Variants in PHACTR1 observed in about 807,000 individuals in gnomAD.
PHACTR1 encodes the protein RPEL repeat containing 1.
In PHACTR1, 16 loss-of-function variants were observed where a neutral mutation model predicts 69.2. That is an observed-to-expected ratio of 0.23 (90% CI 0.16 to 0.35). PHACTR1 has a LOEUF of 0.35. PHACTR1 is among the 10% of genes least tolerant of loss of function. PHACTR1 has a pLI of 1.00. For synonymous variants in PHACTR1, 312 were observed against 284.5 expected (o/e 1.10, Z -0.97); for missense variants, 510 against 734.7 (o/e 0.69, Z 3.54).
chr6:12,848,260 G>A (rs552114652), intron 4 of PHACTR1, among the ~76,000 whole-genome samples: 8 of 152,224 alleles, frequency 5.3e-5, no homozygotes, highest in Admixed American at 2.6e-4. Context: ...ATGATCACTC[G>A]CTAATGGAAG....
chr6:13,134,765 G>A (rs1459343672), intron 5 of PHACTR1, among the ~76,000 whole-genome samples: 2 of 120,374 alleles, frequency 1.7e-5, no homozygotes, highest in African/African-American at 6.7e-5. Flanking sequence ...CCCCCTCTCC[G>A]AGAAACACCC....
At chr6:13,022,311 C>T (rs1308641038) in intron 4 of PHACTR1, among the ~76,000 whole-genome samples, 11 of 152,204 alleles carry the variant, frequency 7.2e-5, no homozygotes, top group Non-Finnish European at 1.6e-4. Context: ...GTTTCTTCCA[C>T]CTGTAAAATG....
chr6:13,207,598 G>A (rs1766135782), intron 8 of PHACTR1, among the ~76,000 whole-genome samples: 1 of 152,190 alleles, frequency 6.6e-6, no homozygotes, highest in Admixed American at 6.5e-5. Context: ...GTATGTGTGT[G>A]TGTGTGTGTG....
chr6:13,155,717 G>A (rs1295842649), intron 5 of PHACTR1, among the ~76,000 whole-genome samples: 4 of 151,852 alleles, frequency 2.6e-5, no homozygotes, highest in South Asian at 2.1e-4. Flanking sequence ...GTGAAACCCC[G>A]TCTCTACTAA....
At chr6:13,193,357 G>GTGTATATATATATATATATATA (rs536184609) in intron 7 of PHACTR1, among the ~76,000 whole-genome samples, 16 of 68,198 alleles carry the variant, frequency 2.3e-4, no homozygotes, top group Non-Finnish European at 3.1e-4. Context: ...AGCTCTCTGT[G>GTGTATATATATATATATATATA]TATATATATA....
At chr6:12,813,807 A>G (rs1437100567) in intron 4 of PHACTR1, among the ~76,000 whole-genome samples, 1 of 152,228 alleles carries the variant, frequency 6.6e-6, no homozygotes, top group Non-Finnish European at 1.5e-5. Flanking sequence ...GAAGAAAATT[A>G]TCAGAGCCTT....
chr6:13,038,448 C>T (rs1803661374), intron 4 of PHACTR1, among the ~76,000 whole-genome samples: 1 of 150,882 alleles, frequency 6.6e-6, no homozygotes, highest in East Asian at 1.9e-4. Context: ...GAGGAAGCCT[C>T]CCTGGGGATC....
intron 5 of PHACTR1, among the ~76,000 whole-genome samples, chr6:13,106,796 AT>A (rs1816220770): frequency 6.6e-6 from 1 of 152,002 alleles, no homozygotes; most frequent in African/African-American, 2.4e-5. Flanking sequence ...GGATGAGCAG[AT>A]GATTTTTCTC....
chr6:13,029,650 A>G (rs4715065), intron 4 of PHACTR1, among the ~76,000 whole-genome samples: 112,457 of 152,094 alleles, frequency 0.74, 42,258 homozygotes, highest in East Asian at 0.88. Flanking sequence ...TTGACATTAC[A>G]TATTATTGAA....
At chr6:13,142,423 T>C (rs1822628775) in intron 5 of PHACTR1, among the ~76,000 whole-genome samples, 1 of 152,182 alleles carries the variant, frequency 6.6e-6, no homozygotes, top group African/African-American at 2.4e-5. Context: ...ATAGTTTTAC[T>C]TTGGGTATGT....
At chr6:13,034,113 G>A (rs1802908335) in intron 4 of PHACTR1, among the ~76,000 whole-genome samples, 1 of 151,986 alleles carries the variant, frequency 6.6e-6, no homozygotes, top group Admixed American at 6.5e-5. Context: ...GCCCCCTGGG[G>A]TTCACGCCAT....
chr6:13,103,316 G>A (rs932644996), intron 5 of PHACTR1, among the ~76,000 whole-genome samples: 6 of 152,138 alleles, frequency 3.9e-5, no homozygotes, highest in African/African-American at 1.4e-4. Context: ...TTGGATATAG[G>A]TGGTATCTGA....
chr6:13,106,388 G>A (rs1816138108), intron 5 of PHACTR1, among the ~76,000 whole-genome samples: 1 of 152,180 alleles, frequency 6.6e-6, no homozygotes, highest in African/African-American at 2.4e-5. Context: ...TCCTTGCCCT[G>A]TTGCTGTTCT....
chr6:12,998,132 A>G (rs1358883831), intron 4 of PHACTR1, among the ~76,000 whole-genome samples: 1 of 152,162 alleles, frequency 6.6e-6, no homozygotes, highest in Non-Finnish European at 1.5e-5. Flanking sequence ...CAACTGCGCA[A>G]TATGCAGTAC....
In PHACTR1 at chr6:12,903,204, G is replaced by A. The variant is rs1211135427; in HGVS notation, c.251-150161G>A. ...TCCTTATTTATAAGGTGGGAATGCC[G>A]TCAAGGGTTCCTGAGAGGATCAAAT... On this transcript the variant is annotated intron_variant, in intron 4 of 14. Transcript: ENST00000332995. Among the ~76,000 whole-genome samples the A allele has an allele frequency of 5.3e-5, 8 of 152,192 alleles. No homozygotes were observed. The East Asian group carries it at 1.2e-3, about 22-fold the overall frequency.
chr6:13,248,993 A>C (rs1349202924), intron 10 of PHACTR1, among the ~76,000 whole-genome samples: 1 of 152,224 alleles, frequency 6.6e-6, no homozygotes, highest in East Asian at 1.9e-4. Flanking sequence ...GAGGAGGAGA[A>C]GTTAGGTCTT....
intron 4 of PHACTR1, among the ~76,000 whole-genome samples, chr6:12,874,465 A>G: frequency 6.6e-6 from 1 of 152,346 alleles, no homozygotes; most frequent in South Asian, 2.1e-4. Context: ...GCTATTCATC[A>G]TATCTTTCTT....
chr6:13,257,376 G>A (rs1342663596), intron 10 of PHACTR1, among the ~76,000 whole-genome samples: 2 of 152,070 alleles, frequency 1.3e-5, no homozygotes, highest in African/African-American at 2.4e-5. Flanking sequence ...ATTTGGGTGG[G>A]GACACAGATC....
chr6:12,777,808 T>G (rs1204809738), intron 4 of PHACTR1, among the ~76,000 whole-genome samples: 1 of 152,096 alleles, frequency 6.6e-6, no homozygotes, highest in African/African-American at 2.4e-5. Context: ...ATTTTTCTAT[T>G]TTTAGTAGAG....
Sources: allele counts gnomAD v4.1 joint callset (sites outside exome capture counted in the v4.1 genomes callset), GRCh38; gene constraint gnomAD v4.1.1; transcripts MANE v1.5; gene names NCBI Gene and HGNC (gene_info 2026-07-23, HGNC 2026-07-21).